The following GULP1 variants were observed in gnomAD, a reference collection of about 807,000 sequenced individuals.
GULP1 encodes the protein PTB domain-containing engulfment adapter protein 1.
In GULP1, 19 loss-of-function variants were observed where a neutral mutation model predicts 40.9. That is an observed-to-expected ratio of 0.46 (90% CI 0.32 to 0.68). The LOEUF is 0.68. GULP1 is among the 30% of genes least tolerant of loss of function. GULP1 has a pLI of 0.03. For synonymous variants in GULP1, 119 were observed against 117.6 expected, an observed-to-expected ratio of 1.01 and a Z score of -0.08; for missense variants, 312 against 362.2, an observed-to-expected ratio of 0.86 and a Z score of 1.12.
intron 1 of GULP1, among the ~76,000 whole-genome samples, chr2:188,376,624 A>G (rs895430944): frequency 3.9e-5 from 6 of 152,246 alleles, no homozygotes; most frequent in Admixed American, 1.3e-4. Context: ...TAAGCATTCA[A>G]TAAACATATA....
chr2:188,486,828 GAT>G (rs1386735761), intron 4 of GULP1, among the ~76,000 whole-genome samples: 1 of 151,850 alleles, frequency 6.6e-6, no homozygotes, highest in East Asian at 1.9e-4. Context: ...ACTCTGTAGT[GAT>G]GTTTCCAAGC....
At chr2:188,295,063 A>G (rs184580823) in intron 1 of GULP1, among the ~76,000 whole-genome samples, 26 of 152,336 alleles carry the variant, frequency 1.7e-4, no homozygotes, top group African/African-American at 6.3e-4. Context: ...ACAGAAAAGA[A>G]CAATTAGCAC....
intron 1 of GULP1, among the ~76,000 whole-genome samples, chr2:188,370,026 T>C (rs182813744): frequency 7.9e-5 from 12 of 152,262 alleles, no homozygotes; most frequent in Admixed American, 5.9e-4. Context: ...TTGTATTTTT[T>C]GTAGAGACAG....
intron 11 of GULP1, chr2:188,591,900 G>A (rs544097407): frequency 6.6e-6 from 1 of 151,816 alleles, no homozygotes; most frequent in East Asian, 1.9e-4. Context: ...TCTTTTGTGT[G>A]ACGTTAGCTT....
intron 9 of GULP1, among the ~76,000 whole-genome samples, chr2:188,579,721 A>G (rs565585699): frequency 9.8e-5 from 15 of 152,334 alleles, no homozygotes; most frequent in African/African-American, 3.4e-4. Flanking sequence ...TAATTGTAGT[A>G]TATAAATACT....
At chr2:188,465,995 A>G (rs902507452) in intron 2 of GULP1, among the ~76,000 whole-genome samples, 2 of 151,540 alleles carry the variant, frequency 1.3e-5, no homozygotes, top group Non-Finnish European at 1.5e-5. Context: ...GTGTGTGTAG[A>G]TAGTTGTTAA....
intron 9 of GULP1, among the ~76,000 whole-genome samples, chr2:188,574,285 T>C (rs182439488): frequency 6.6e-6 from 1 of 152,202 alleles, no homozygotes; most frequent in African/African-American, 2.4e-5. Flanking sequence ...TATGATGAAG[T>C]AGAAGATGAA....
chr2:188,480,482 A>T (rs1388104912), intron 3 of GULP1, among the ~76,000 whole-genome samples: 1 of 151,944 alleles, frequency 6.6e-6, no homozygotes, highest in East Asian at 1.9e-4. Context: ...AAATCTCCAA[A>T]TTAGTAAGTT....
Position 188,323,650 on chromosome 2 carries a change from A to ATGTG in GULP1, c.-172+31520_-172+31523dup, listed in dbSNP as rs112584285. Among the ~76,000 whole-genome samples the ATGTG allele has an allele frequency of 1.2e-3, 166 of 143,690 alleles. 1 individual carries two copies. Among genetic ancestry groups the ATGTG allele is most frequent in the Non-Finnish European group, 2.0e-3 (132 of 64,962 alleles). 94.3% of individuals were successfully genotyped at this position (143,690 alleles called of 152,430 possible). The stretch of plus-strand genomic sequence containing the variant: ...TGCCATTAAGGAGATATCTGAAGAT[A>ATGTG]TGTGTGTGTGTGTGTGTGTGTGTGT... On this transcript the variant is annotated intron_variant, in intron 1 of 11. Coordinates refer to ENST00000409830, the MANE Select transcript of GULP1 (RefSeq NM_016315.4).
intron 2 of GULP1, among the ~76,000 whole-genome samples, chr2:188,407,814 A>G (rs1207517157): frequency 6.6e-6 from 1 of 152,224 alleles, no homozygotes; most frequent in Non-Finnish European, 1.5e-5. Context: ...TTGAATGTTA[A>G]TGGATTAAAT....
At chr2:188,321,133 T>C (rs1198292136) in intron 1 of GULP1, among the ~76,000 whole-genome samples, 1 of 152,174 alleles carries the variant, frequency 6.6e-6, no homozygotes, top group Non-Finnish European at 1.5e-5. Context: ...TTTCCTGGCA[T>C]GTGGTTAAAT....
intron 2 of GULP1, among the ~76,000 whole-genome samples, chr2:188,458,457 G>T (rs2059442541): frequency 6.6e-6 from 1 of 152,022 alleles, no homozygotes; most frequent in African/African-American, 2.4e-5. Context: ...CTTTCAACCA[G>T]TCAGGCTCTT....
At chr2:188,503,557 A>G (rs941978739) in intron 4 of GULP1, among the ~76,000 whole-genome samples, 1 of 151,912 alleles carries the variant, frequency 6.6e-6, no homozygotes, top group African/African-American at 2.4e-5. Flanking sequence ...CATGAAGATT[A>G]CAATTCGAGA....
chr2:188,323,157 C>T (rs913527528), intron 1 of GULP1, among the ~76,000 whole-genome samples: 1 of 151,992 alleles, frequency 6.6e-6, no homozygotes, highest in Admixed American at 6.6e-5. Flanking sequence ...CACATTTTGC[C>T]TCTCACCTTA....
chr2:188,321,080 T>C (rs893197401), intron 1 of GULP1, among the ~76,000 whole-genome samples: 1 of 152,144 alleles, frequency 6.6e-6, no homozygotes. Flanking sequence ...TTAAAAGGAA[T>C]TTCTACTATA....
intron 2 of GULP1, among the ~76,000 whole-genome samples, chr2:188,465,760 A>G (rs2060057300): frequency 6.6e-6 from 1 of 152,090 alleles, no homozygotes; most frequent in Non-Finnish European, 1.5e-5. Context: ...CAGAATTGCT[A>G]GCTCTTACTC....
intron 1 of GULP1, among the ~76,000 whole-genome samples, chr2:188,321,516 GT>G (rs1362613825): frequency 1.3e-5 from 2 of 152,148 alleles, no homozygotes; most frequent in Non-Finnish European, 2.9e-5. Context: ...GTGGCAGTAA[GT>G]TTAGTGTGCT....
At chr2:188,592,125 C>T (rs1456562944) in intron 11 of GULP1, 1 of 151,978 alleles carries the variant, frequency 6.6e-6, no homozygotes, top group Non-Finnish European at 1.5e-5. Flanking sequence ...CTCTGTTTTA[C>T]TTTGGCTGCT....
chr2:188,588,760 G>GGTTA (rs1185886519), intron 11 of GULP1: 1 of 151,898 alleles, frequency 6.6e-6, no homozygotes, highest in Non-Finnish European at 1.5e-5. Flanking sequence ...ATTAGTCTTG[G>GGTTA]GTTAATACAT....
Sources: allele counts gnomAD v4.1 joint callset (sites outside exome capture counted in the v4.1 genomes callset), GRCh38; gene constraint gnomAD v4.1.1; transcripts MANE v1.5; gene names NCBI Gene and HGNC (gene_info 2026-07-23, HGNC 2026-07-21).